The following CNTNAP5 variants were observed in gnomAD, a reference collection of about 807,000 sequenced individuals.
The protein encoded by CNTNAP5 is contactin associated protein family member 5.
Under a neutral mutation model 150.2 loss-of-function variants are expected in CNTNAP5, and 72 were observed. The ratio of observed to expected loss-of-function variants is 0.48; its 90% confidence interval spans 0.40 to 0.58. The LOEUF (loss-of-function observed/expected upper bound fraction) is 0.58, where lower values mean the gene tolerates loss of function less well. Ranked by LOEUF, CNTNAP5 falls within the 20% of genes least tolerant of loss-of-function variation. The probability of loss-of-function intolerance (pLI) is 0.00; values close to 1 mark genes in which losing one functional copy is unlikely to be tolerated. For missense variants in CNTNAP5, 1,636 were observed against 1,626.2 expected (o/e 1.01, Z -0.10); for synonymous variants, 672 against 619.8 (o/e 1.08, Z -1.25).
intron 1 of CNTNAP5, among the ~76,000 whole-genome samples, chr2:124,192,257 C>T (rs908665541): frequency 1.3e-5 from 2 of 152,078 alleles, no homozygotes; most frequent in African/African-American, 2.4e-5. Flanking sequence ...TCAGAATGTT[C>T]GTTGTACATT....
intron 3 of CNTNAP5, among the ~76,000 whole-genome samples, chr2:124,316,833 A>G (rs1688976570): frequency 1.3e-5 from 2 of 150,410 alleles, no homozygotes; most frequent in Non-Finnish European, 1.5e-5. Context: ...AAAAAAGAAA[A>G]AGAAAAAAAA....
intron 3 of CNTNAP5, among the ~76,000 whole-genome samples, chr2:124,305,326 G>A (rs1455186967): frequency 6.6e-6 from 1 of 152,020 alleles, no homozygotes; most frequent in African/African-American, 2.4e-5. Flanking sequence ...CCAGAAGCTG[G>A]GGAGTTAGGA....
At chr2:124,165,467 C>T (rs1007109395) in intron 1 of CNTNAP5, among the ~76,000 whole-genome samples, 6 of 152,114 alleles carry the variant, frequency 3.9e-5, no homozygotes, top group South Asian at 2.1e-4. Context: ...GAAATGGAAA[C>T]GTCTGATATG....
intron 3 of CNTNAP5, among the ~76,000 whole-genome samples, chr2:124,327,866 A>G (rs900028043): frequency 6.6e-6 from 1 of 152,182 alleles, no homozygotes; most frequent in African/African-American, 2.4e-5. Context: ...AACTCTTCAG[A>G]CTGTGTTAAG....
Position 124,919,215 on chromosome 2 carries a change from A to G in CNTNAP5, c.*4927A>G, listed in dbSNP as rs1412560060. ...CATTCTACATACATATCTGTTTGGTAGGGAGAGAAGCATTCCTCTTTTATG... is the reference window on the plus strand; with the variant it reads ...CATTCTACATACATATCTGTTTGGTGGGGAGAGAAGCATTCCTCTTTTATG... On this transcript the variant is annotated 3_prime_UTR_variant, in exon 24 of 24. Transcript: ENST00000682447. 6.6e-6 allele frequency among the ~76,000 whole-genome samples: 1 copy of G among 152,094 alleles called. No individual in the cohort carries two copies. The highest frequency in any genetic ancestry group is 1.5e-5 in the Non-Finnish European group (1 of 68,004).
intron 3 of CNTNAP5, among the ~76,000 whole-genome samples, chr2:124,286,005 T>G (rs1262796591): frequency 2.0e-5 from 3 of 152,216 alleles, no homozygotes; most frequent in Non-Finnish European, 4.4e-5. Flanking sequence ...TTAATAATAT[T>G]TTCATTGAGT....
rs150543219 is a variant in CNTNAP5 at position 124,364,679 on chromosome 2, A to G, written c.382-52764A>G. ...AGTGATTCTTTATTTCTAAAGCAAG[A>G]AAGAGATATCATGATGCCAGTTAAT... On this transcript the variant is annotated intron_variant, in intron 3 of 23. Transcript: ENST00000682447. Among the ~76,000 whole-genome samples, 47 of 152,348 alleles carry G rather than the reference A, an allele frequency of 3.1e-4. No homozygotes were observed. The East Asian group carries it at 9.1e-3, about 29-fold the overall frequency.
At chr2:124,221,899 A>C (rs757248126) in intron 2 of CNTNAP5, 90 bp downstream of exon 2, 1 of 775,270 alleles carries the variant, frequency 1.3e-6, no homozygotes, top group Non-Finnish European at 2.2e-6. Context: ...AGACACTGAA[A>C]TCATGTCCAA....
intron 3 of CNTNAP5, among the ~76,000 whole-genome samples, chr2:124,337,194 C>T (rs1005678585): frequency 1.1e-4 from 16 of 152,088 alleles, no homozygotes; most frequent in Non-Finnish European, 1.8e-4. Flanking sequence ...CTGTTCATAT[C>T]CTTCGCCCAC....
intron 11 of CNTNAP5, among the ~76,000 whole-genome samples, chr2:124,566,606 T>C (rs935533679): frequency 1.3e-4 from 20 of 152,246 alleles, no homozygotes; most frequent in African/African-American, 1.9e-4. Context: ...GGCTGCAACT[T>C]TGTGAAACTC....
intron 21 of CNTNAP5, among the ~76,000 whole-genome samples, chr2:124,899,470 T>C (rs1280878261): frequency 6.6e-6 from 1 of 151,620 alleles, no homozygotes; most frequent in Non-Finnish European, 1.5e-5. Context: ...ATATTTAAAA[T>C]GTATTGAGTG....
At position 124,677,240 on chromosome 2, in the gene CNTNAP5, G is replaced by A. The variant is rs138021198; in HGVS notation, c.2077+29282G>A. Among the ~76,000 whole-genome samples, 1,077 of 152,246 alleles carry A rather than the reference G, an allele frequency of 7.1e-3. 12 individuals carry two copies. The highest frequency in any genetic ancestry group is 0.024 in the African/African-American group (1,004 of 41,528). On this transcript the variant is annotated intron_variant, in intron 13 of 23. Coordinates refer to ENST00000682447, the MANE Select transcript of CNTNAP5 (RefSeq NM_001367498.1). ...GTGTTACAGCTCTTAAAGGTGGCGC[G>A]TCTGGGGTAGCTTTTTCCTCCCAGT...
rs1678973013 is a variant in CNTNAP5, at chr2:124,677,617, T to TGTAGTGAGCTGAGATCGAGCCACTG, written c.2077+29659_2077+29660insGTAGTGAGCTGAGATCGAGCCACTG. Among the ~76,000 whole-genome samples the TGTAGTGAGCTGAGATCGAGCCACTG allele has an allele frequency of 7.3e-5, 11 of 150,088 alleles. No individual in the cohort carries two copies. The Admixed American group carries it at 8.3e-4, about 11-fold the overall frequency. On this transcript the variant is annotated intron_variant, in intron 13 of 23. Transcript: ENST00000682447. ...TTTTACAGAGTGCTGACTGGTGCAT[T>TGTAGTGAGCTGAGATCGAGCCACTG]TACAATCCTTCAGCTAGACACAGAG...
intron 13 of CNTNAP5, among the ~76,000 whole-genome samples, chr2:124,711,870 G>A (rs1186644049): frequency 1.3e-5 from 2 of 151,978 alleles, no homozygotes; most frequent in Non-Finnish European, 2.9e-5. Flanking sequence ...ATTTATATTT[G>A]GACAGTTCTA....
Position 124,287,179 on chromosome 2 carries a change from C to T in CNTNAP5, c.381+44786C>T, listed in dbSNP as rs145840820. Reference sequence around the variant, plus strand: ...GGGTGCTTACCTGTGCCAGGCACTGCGGTAAACATTTTAGAATCCTTGCAA... The same window carrying T: ...GGGTGCTTACCTGTGCCAGGCACTGTGGTAAACATTTTAGAATCCTTGCAA... On this transcript the variant is annotated intron_variant, in intron 3 of 23. Transcript: ENST00000682447. Among the ~76,000 whole-genome samples the T allele has an allele frequency of 3.6e-3, 549 of 152,238 alleles. 3 individuals are homozygous for T. Among genetic ancestry groups the T allele is most frequent in the African/African-American group, 0.013 (529 of 41,556 alleles).
At chr2:124,107,964 T>G (rs1421447220) in intron 1 of CNTNAP5, among the ~76,000 whole-genome samples, 2 of 152,208 alleles carry the variant, frequency 1.3e-5, no homozygotes, top group African/African-American at 4.8e-5. Flanking sequence ...AGACAAAAGG[T>G]TGCATTATTT....
At chr2:124,450,258 T>TTA (rs1692933157) in intron 6 of CNTNAP5, among the ~76,000 whole-genome samples, 1 of 151,742 alleles carries the variant, frequency 6.6e-6, no homozygotes, top group African/African-American at 2.4e-5. Flanking sequence ...TATATACTTC[T>TTA]GATATATATA....
intron 1 of CNTNAP5, among the ~76,000 whole-genome samples, chr2:124,115,934 T>C (rs1335739221): frequency 1.3e-5 from 2 of 152,032 alleles, no homozygotes; most frequent in African/African-American, 4.8e-5. Flanking sequence ...TCAGCCACCA[T>C]GCTTATTTTA....
At chr2:124,234,657 C>T (rs761855056) in intron 2 of CNTNAP5, among the ~76,000 whole-genome samples, 95 of 152,078 alleles carry the variant, frequency 6.2e-4, no homozygotes, top group Non-Finnish European at 1.2e-3. Context: ...CAATTCTTCC[C>T]AGCCCAGACT....
Sources: allele counts gnomAD v4.1 joint callset (sites outside exome capture counted in the v4.1 genomes callset), GRCh38; gene constraint gnomAD v4.1.1; transcripts MANE v1.5; gene names NCBI Gene and HGNC (gene_info 2026-07-23, HGNC 2026-07-21).